SLC14A2: variants seen among roughly 807,000 people sequenced by gnomAD.
SLC14A2 encodes the protein solute carrier family 14 member 2.
A neutral mutation model predicts 104.6 loss-of-function variants in SLC14A2; 91 were observed. That is an observed-to-expected ratio of 0.87 (90% CI 0.73 to 1.04). SLC14A2 has a LOEUF of 1.04. SLC14A2 is among the 50% of genes least tolerant of loss of function. SLC14A2 has a pLI of 0.00. For missense variants in SLC14A2, 1,189 were observed against 1,156.0 expected, an observed-to-expected ratio of 1.03 and a Z score of -0.41; for synonymous variants, 476 against 466.4, an observed-to-expected ratio of 1.02 and a Z score of -0.27.
chr18:45,403,433 G>A (rs939406540), intron 1 of SLC14A2, among the ~76,000 whole-genome samples: 1 of 152,158 alleles, frequency 6.6e-6, no homozygotes, highest in Non-Finnish European at 1.5e-5. Context: ...GCTAGTAATA[G>A]CAATAATTGC....
the SLC14A2 span, among the ~76,000 whole-genome samples, chr18:45,178,446 GA>G: frequency 5.3e-5 from 8 of 151,822 alleles, no homozygotes; most frequent in African/African-American, 1.4e-4. Flanking sequence ...TAAAGAACAA[GA>G]AAAAAATAAT....
intron 1 of SLC14A2, among the ~76,000 whole-genome samples, chr18:45,286,372 C>T (rs11660474): frequency 0.19 from 28,994 of 152,104 alleles, 4,298 homozygotes; most frequent in African/African-American, 0.41. Flanking sequence ...CTTTTTACGT[C>T]CCAGGTCTGC....
chr18:45,446,467 C>A (rs912228675), intron 1 of SLC14A2, among the ~76,000 whole-genome samples: 4 of 152,150 alleles, frequency 2.6e-5, no homozygotes, highest in African/African-American at 4.8e-5. Context: ...ACCAAAGACC[C>A]AACAATGCTG....
chr18:45,240,648 T>G (rs2084305269), intron 1 of SLC14A2, among the ~76,000 whole-genome samples: 1 of 150,460 alleles, frequency 6.6e-6, no homozygotes, highest in Non-Finnish European at 1.5e-5. Flanking sequence ...TTTGTTTTTT[T>G]TGTTTTTGTT....
chr18:45,406,213 C>T (rs867629188), intron 1 of SLC14A2, among the ~76,000 whole-genome samples: 1 of 152,210 alleles, frequency 6.6e-6, no homozygotes, highest in African/African-American at 2.4e-5. Flanking sequence ...AAATCCTTTA[C>T]TGTCATTTCA....
intron 1 of SLC14A2, among the ~76,000 whole-genome samples, chr18:45,376,845 C>A (rs2085780217): frequency 6.6e-6 from 1 of 152,190 alleles, no homozygotes; most frequent in African/African-American, 2.4e-5. Context: ...TTTATAACGA[C>A]AGAGACCTTA....
At chr18:45,298,272 A>G (rs2084935900) in intron 1 of SLC14A2, among the ~76,000 whole-genome samples, 2 of 152,216 alleles carry the variant, frequency 1.3e-5, no homozygotes, top group Non-Finnish European at 2.9e-5. Flanking sequence ...ACATGGGAAA[A>G]GCCAGTGATC....
intron 1 of SLC14A2, among the ~76,000 whole-genome samples, chr18:45,350,982 G>A (rs2085497721): frequency 6.6e-6 from 1 of 152,122 alleles, no homozygotes; most frequent in African/African-American, 2.4e-5. Context: ...CTGGGGCAGA[G>A]GATACCAGAG....
intron 1 of SLC14A2, among the ~76,000 whole-genome samples, chr18:45,374,403 C>T (rs2085752858): frequency 6.6e-6 from 1 of 152,170 alleles, no homozygotes; most frequent in Non-Finnish European, 1.5e-5. Flanking sequence ...TGCTAAAGAG[C>T]CAGAGCCAAA....
At chr18:45,205,170 C>T in the SLC14A2 span, among the ~76,000 whole-genome samples, 4 of 152,172 alleles carry the variant, frequency 2.6e-5, no homozygotes, top group Non-Finnish European at 2.9e-5. Flanking sequence ...GGGGCCCAGA[C>T]CTTCCCCTAG....
At chr18:45,210,887 C>T (rs1165200355), upstream of SLC14A2, among the ~76,000 whole-genome samples, 1 of 152,146 alleles carries the variant, frequency 6.6e-6, no homozygotes, top group Non-Finnish European at 1.5e-5. Context: ...GCTTTATTAA[C>T]ACTACTACTA....
chr18:45,350,756 A>T (rs917263866), intron 1 of SLC14A2, among the ~76,000 whole-genome samples: 3 of 151,760 alleles, frequency 2.0e-5, no homozygotes, highest in African/African-American at 7.3e-5. Context: ...CACAAGGAAA[A>T]GATTTATCCA....
chr18:45,224,491 G>A (rs994399386), intron 1 of SLC14A2, among the ~76,000 whole-genome samples: 1 of 152,160 alleles, frequency 6.6e-6, no homozygotes, highest in African/African-American at 2.4e-5. Flanking sequence ...TCAGAACATG[G>A]GGCTCTGAGG....
intron 1 of SLC14A2, among the ~76,000 whole-genome samples, chr18:45,448,126 A>T (rs1421197): frequency 0.25 from 38,246 of 152,172 alleles, 5,870 homozygotes; most frequent in Non-Finnish European, 0.35. Flanking sequence ...ACCTGCTTCT[A>T]TTCTAGGCAA....
At chr18:45,236,820 G>A (rs1482731471) in intron 1 of SLC14A2, among the ~76,000 whole-genome samples, 1 of 151,964 alleles carries the variant, frequency 6.6e-6, no homozygotes, top group Non-Finnish European at 1.5e-5. Flanking sequence ...TTTATTTTTA[G>A]TTTTCTGAGG....
At chr18:45,617,232 G>A (rs917852863) in intron 1 of SLC14A2, among the ~76,000 whole-genome samples, 2 of 152,188 alleles carry the variant, frequency 1.3e-5, no homozygotes, top group Non-Finnish European at 2.9e-5. Flanking sequence ...AGCCACTGCA[G>A]GCTCCTCAGA....
intron 10 of SLC14A2, among the ~76,000 whole-genome samples, chr18:45,653,515 C>T (rs2045776438): frequency 6.6e-6 from 1 of 152,098 alleles, no homozygotes; most frequent in Admixed American, 6.5e-5. Context: ...TGATGCATGA[C>T]CCATCATACT....
At position 45,627,133 on chromosome 18, in the gene SLC14A2, C is replaced by T; in HGVS notation, c.507C>T (p.Ala169=). 3.7e-6 allele frequency: 6 copies of T among 1,614,160 alleles called. No homozygotes were observed. Among genetic ancestry groups the T allele is most frequent in the Non-Finnish European group, 5.1e-6 (6 of 1,179,986 alleles). Residue 169 remains alanine (A), a synonymous_variant, in exon 4 of 20, where the codon GCC becomes GCT. Transcript: ENST00000255226. Reference sequence around the variant, plus strand: ...TGGTCTCGACCTTAACAGCTCTCGCCTTGGGCCAAGACAGGTGGGTCCCTC... The same window carrying T: ...TGGTCTCGACCTTAACAGCTCTCGCTTTGGGCCAAGACAGGTGGGTCCCTC... ...GTVVSTLTAL[A]LGQDRSAIAS...
rs535615656 is a variant in SLC14A2, at chr18:45,391,752, C to T, written c.-124-91481C>T. Among the ~76,000 whole-genome samples the T allele has an allele frequency of 5.5e-4, 83 of 152,262 alleles. 1 individual carries two copies. The highest frequency in any genetic ancestry group is 1.2e-3 in the African/African-American group (49 of 41,558). ...TTGAGAAGTGTCTGTTCATATCCTTCGCCCACTTTTTGATGGGGTTGTTTG... is the reference window on the plus strand; with the variant it reads ...TTGAGAAGTGTCTGTTCATATCCTTTGCCCACTTTTTGATGGGGTTGTTTG... On this transcript the variant is annotated intron_variant, in intron 1 of 20. Coordinates refer to the SLC14A2 transcript ENST00000586448.
Sources: allele counts gnomAD v4.1 joint callset (sites outside exome capture counted in the v4.1 genomes callset), GRCh38; gene constraint gnomAD v4.1.1; transcripts MANE v1.5; gene names NCBI Gene and HGNC (gene_info 2026-07-23, HGNC 2026-07-21).